Variants in CCDC171 observed in about 807,000 individuals in gnomAD.
The protein encoded by CCDC171 is coiled-coil domain-containing protein 171.
CCDC171 carries 177 observed loss-of-function variants against 168.2 expected under a neutral mutation model. The observed-to-expected ratio is 1.05, with a 90% CI of 0.93 to 1.19. CCDC171 has a LOEUF of 1.19. Among genes scored for constraint, CCDC171 ranks in the 50% most tolerant of loss-of-function variants. The pLI is 0.00. For missense variants in CCDC171, 1,991 were observed against 1,539.0 expected, an observed-to-expected ratio of 1.29 and a Z score of -4.91; for synonymous variants, 687 against 540.8, an observed-to-expected ratio of 1.27 and a Z score of -3.75.
the CCDC171 span, among the ~76,000 whole-genome samples, chr9:16,102,825 GA>G: frequency 6.6e-6 from 1 of 152,158 alleles, no homozygotes. Flanking sequence ...TTCATCCCCT[GA>G]GTGTCTGGAG....
At chr9:15,989,406 C>A (rs530638998) in intron 3 of CCDC171, among the ~76,000 whole-genome samples, 1 of 152,266 alleles carries the variant, frequency 6.6e-6, no homozygotes, top group Non-Finnish European at 1.5e-5. Context: ...GAAAGGACAT[C>A]CACACCAAAA....
chr9:15,574,401 C>T (rs1419195382), intron 3 of CCDC171, among the ~76,000 whole-genome samples: 1 of 151,880 alleles, frequency 6.6e-6, no homozygotes, highest in East Asian at 1.9e-4. Flanking sequence ...CCTTGGCCTC[C>T]CAAAGTACTG....
the CCDC171 span, among the ~76,000 whole-genome samples, chr9:16,075,789 A>G: frequency 6.6e-6 from 1 of 152,184 alleles, no homozygotes; most frequent in East Asian, 1.9e-4. Flanking sequence ...TCTAGTGGCA[A>G]CCCATTAATG....
At chr9:15,993,410 G>T (rs1333582445) in intron 3 of CCDC171, among the ~76,000 whole-genome samples, 2 of 152,136 alleles carry the variant, frequency 1.3e-5, no homozygotes, top group African/African-American at 4.8e-5. Flanking sequence ...GCTGAAACTG[G>T]ATCCCTTCCT....
intron 21 of CCDC171, among the ~76,000 whole-genome samples, chr9:15,840,032 G>A (rs2060611144): frequency 2.0e-5 from 3 of 151,904 alleles, no homozygotes; most frequent in African/African-American, 7.3e-5. Flanking sequence ...TTTATTAAAA[G>A]TAGTTAATAT....
chr9:15,823,492 A>T (rs2059882069), intron 21 of CCDC171, among the ~76,000 whole-genome samples: 2 of 152,152 alleles, frequency 1.3e-5, no homozygotes, highest in Non-Finnish European at 2.9e-5. Context: ...TACTGAGCAC[A>T]TATACCTTGG....
intron 25 of CCDC171, among the ~76,000 whole-genome samples, chr9:15,951,562 G>A (rs1245833966): frequency 1.3e-5 from 2 of 151,770 alleles, no homozygotes; most frequent in East Asian, 1.9e-4. Flanking sequence ...TTAAGTAGCC[G>A]TTCTAATGGG....
chr9:15,623,199 T>C, intron 6 of CCDC171, 68 bp from the exon 7 acceptor site: 2 of 1,157,890 alleles, frequency 1.7e-6, no homozygotes, highest in Non-Finnish European at 2.4e-6. Flanking sequence ...CACTGTCTTC[T>C]ATTGGAGTGA....
chr9:16,106,324 C>T, the CCDC171 span, among the ~76,000 whole-genome samples: 3 of 152,182 alleles, frequency 2.0e-5, no homozygotes, highest in Non-Finnish European at 4.4e-5. Flanking sequence ...ATTTTTCCAG[C>T]GTTTGCCCCT....
intron 5 of CCDC171, 27 bp from the exon 6 acceptor site, chr9:15,594,013 AG>A (rs1418897274): frequency 6.6e-7 from 1 of 1,524,112 alleles, no homozygotes; most frequent in East Asian, 2.3e-5. Flanking sequence ...TTGATCTAAC[AG>A]TAAAGCAAGA....
chr9:15,997,931 C>G (rs1426087401), intron 3 of CCDC171, among the ~76,000 whole-genome samples: 2 of 152,146 alleles, frequency 1.3e-5, no homozygotes, highest in East Asian at 1.9e-4. Context: ...ATCAATTACC[C>G]CTGCCAAGAT....
chr9:15,677,472 T>C (rs2049667256), intron 9 of CCDC171, among the ~76,000 whole-genome samples: 1 of 152,090 alleles, frequency 6.6e-6, no homozygotes. Context: ...ATAGTAGTAA[T>C]TTAGACTGCA....
chr9:15,891,677 T>C (rs1589017220), intron 24 of CCDC171, among the ~76,000 whole-genome samples: 1 of 152,174 alleles, frequency 6.6e-6, no homozygotes, highest in East Asian at 1.9e-4. Flanking sequence ...CTAACTAAAA[T>C]GAAGAACCAT....
At chr9:15,815,215 C>G (rs891535661) in intron 21 of CCDC171, among the ~76,000 whole-genome samples, 24 of 152,094 alleles carry the variant, frequency 1.6e-4, no homozygotes, top group Admixed American at 2.6e-4. Flanking sequence ...AGACTTACGC[C>G]TCTTCCTAGC....
intron 7 of CCDC171, among the ~76,000 whole-genome samples, chr9:16,035,841 C>T (rs1833456934): frequency 6.6e-6 from 1 of 152,226 alleles, no homozygotes; most frequent in African/African-American, 2.4e-5. Flanking sequence ...GTAACTTACA[C>T]ATTTGATCAG....
chr9:15,668,579 T>A (rs969554282), intron 9 of CCDC171, among the ~76,000 whole-genome samples: 7 of 152,126 alleles, frequency 4.6e-5, no homozygotes, highest in African/African-American at 1.7e-4. Flanking sequence ...AAATAAATAA[T>A]GACAAGTAAT....
At chr9:15,649,030 G>C (rs1044751335) in intron 7 of CCDC171, among the ~76,000 whole-genome samples, 1 of 152,190 alleles carries the variant, frequency 6.6e-6, no homozygotes, top group Non-Finnish European at 1.5e-5. Flanking sequence ...AAACAGCATG[G>C]TACTGGTACC....
chr9:15,934,840 A>T (rs1826930260), intron 25 of CCDC171, among the ~76,000 whole-genome samples: 2 of 152,098 alleles, frequency 1.3e-5, no homozygotes, highest in Non-Finnish European at 2.9e-5. Flanking sequence ...GGGAAGAAGC[A>T]CTGATACGTG....
chr9:15,943,878 T>C (rs990690400), intron 25 of CCDC171, among the ~76,000 whole-genome samples: 15 of 151,940 alleles, frequency 9.9e-5, no homozygotes, highest in African/African-American at 1.4e-4. Flanking sequence ...GATAAATTTA[T>C]TGAAATGAGA....
Sources: gnomAD v4.1 joint callset for allele counts (sites outside exome capture counted in the v4.1 genomes callset) on GRCh38, gnomAD v4.1.1 for gene constraint, MANE v1.5 for transcripts, NCBI Gene and HGNC (gene_info 2026-07-23, HGNC 2026-07-21) for gene names.